Variants in ZBTB5 observed in about 807,000 individuals in gnomAD.
The protein encoded by ZBTB5 is zinc finger and BTB domain-containing protein 5.
A neutral mutation model predicts 37.9 loss-of-function variants in ZBTB5; 15 were observed. The observed-to-expected ratio is 0.40, with a 90% CI of 0.26 to 0.61. ZBTB5 has a LOEUF of 0.61. Ranked by LOEUF, ZBTB5 falls within the 20% of genes least tolerant of loss-of-function variation. The pLI, the probability that ZBTB5 is intolerant of heterozygous loss-of-function variation, is 0.47. For missense variants in ZBTB5, 708 were observed against 856.8 expected, an observed-to-expected ratio of 0.83 and a Z score of 2.17; for synonymous variants, 315 against 312.4, an observed-to-expected ratio of 1.01 and a Z score of -0.09.
intron 1 of ZBTB5, among the ~76,000 whole-genome samples, chr9:37,458,889 T>C (rs1824238141): frequency 1.3e-5 from 2 of 152,242 alleles, no homozygotes; most frequent in South Asian, 2.1e-4. Flanking sequence ...GAAAAGTTCA[T>C]TGACATAATT....
chr9:37,449,416 G>C (rs1165085840), intron 1 of ZBTB5, among the ~76,000 whole-genome samples: 2 of 152,052 alleles, frequency 1.3e-5, no homozygotes, highest in Admixed American at 1.3e-4. Context: ...AGTAAAAAAA[G>C]GCCTGGTGCG....
rs934228334 is a variant in ZBTB5, at chr9:37,439,860, T to G, written c.*658A>C. On this transcript the variant is annotated 3_prime_UTR_variant, in exon 2 of 2. Coordinates refer to ENST00000307750, the MANE Select transcript of ZBTB5 (RefSeq NM_014872.3). Reference sequence around the variant, plus strand: ...TTGGTTTTTAAACCAGAAAAAACTGTTAAAACATCTATCCAACAGTGATGT... The same window carrying G: ...TTGGTTTTTAAACCAGAAAAAACTGGTAAAACATCTATCCAACAGTGATGT... The G allele has an allele frequency of 3.9e-5, 6 of 152,852 alleles. No homozygotes were observed. Among genetic ancestry groups the G allele is most frequent in the African/African-American group, 1.4e-4 (6 of 41,582 alleles). The allele number at this position is 152,852 out of a possible 1,614,324, so 9.5% of individuals were successfully genotyped here.
chr9:37,455,117 G>A (rs749739541), intron 1 of ZBTB5, among the ~76,000 whole-genome samples: 15 of 152,162 alleles, frequency 9.9e-5, no homozygotes, highest in Non-Finnish European at 1.6e-4. Context: ...GCCACACCAT[G>A]CTATCCTGTA....
At chr9:37,450,104 A>G (rs1342515386) in intron 1 of ZBTB5, among the ~76,000 whole-genome samples, 1 of 152,162 alleles carries the variant, frequency 6.6e-6, no homozygotes, top group African/African-American at 2.4e-5. Context: ...AAGCCTGCCT[A>G]TAAAATCTGG....
In ZBTB5 at chr9:37,439,022, A is replaced by AAACTG. The variant is rs1436419875; in HGVS notation, c.*1491_*1495dup. ...CACATACTTAGCTTTCTAAACACAA[A>AAACTG]AACTGAATAATTTATCTGATTTATG... On this transcript the variant is annotated 3_prime_UTR_variant, in exon 2 of 2. Coordinates refer to ENST00000307750, the MANE Select transcript of ZBTB5 (RefSeq NM_014872.3). 2 of 152,266 alleles carry AAACTG rather than the reference A, an allele frequency of 1.3e-5. No homozygotes were observed. The highest frequency in any genetic ancestry group is 4.8e-5 in the African/African-American group (2 of 41,480). 9.4% of individuals were successfully genotyped at this position (152,266 alleles called of 1,614,324 possible).
chr9:37,455,979 T>C (rs1824180994), intron 1 of ZBTB5, among the ~76,000 whole-genome samples: 1 of 151,130 alleles, frequency 6.6e-6, no homozygotes, highest in Admixed American at 6.6e-5. Flanking sequence ...AGGCAGGATC[T>C]CACTCTCTCA....
chr9:37,440,304 C>G lies in ZBTB5; in HGVS notation c.*214G>C, dbSNP rs1344197375. Reference sequence around the variant, plus strand: ...GCATTACTCAACCCCAAGGAAGCACCTGGTTTCAGGGATTGCATCCCTTTC... The same window carrying G: ...GCATTACTCAACCCCAAGGAAGCACGTGGTTTCAGGGATTGCATCCCTTTC... On this transcript the variant is annotated 3_prime_UTR_variant, in exon 2 of 2. Coordinates refer to ENST00000307750, the MANE Select transcript of ZBTB5 (RefSeq NM_014872.3). The G allele has an allele frequency of 3.7e-6, 2 of 547,224 alleles. No homozygotes were observed. The highest frequency in any genetic ancestry group is 6.4e-6 in the Non-Finnish European group (2 of 311,138). 33.9% of individuals were successfully genotyped at this position (547,224 alleles called of 1,614,324 possible).
chr9:37,442,522 G>A lies in ZBTB5; in HGVS notation c.30C>T (p.Ile10=), dbSNP rs1823905532. The change falls in exon 2 of 2, where the codon ATC becomes ATT. Residue 10 remains isoleucine (I), a synonymous_variant. Transcript: ENST00000307750. The stretch of plus-strand genomic sequence containing the variant: ...GTCTCTGGTAGTTCAGCTGCTGGAA[G>A]ATTTGTTCAAAGTGACCAGGAAAAT... MDFPGHFEQ[I]FQQLNYQRLH... is the part of the protein sequence containing the mutation. 6.2e-7 allele frequency: 1 copy of A among 1,606,186 alleles called. No homozygotes were observed. Among genetic ancestry groups the A allele is most frequent in the African/African-American group, 1.3e-5 (1 of 74,892 alleles).
Position 37,440,429 on chromosome 9 carries a change from G to A in ZBTB5, c.*89C>T. On this transcript the variant is annotated 3_prime_UTR_variant, in exon 2 of 2. Transcript: ENST00000307750. ...ACTGTTTAAGAGCCACTGGGCAGCT[G>A]GAAGCCTCGAACCCAAAGGCATTAA... 8.9e-7 allele frequency: 1 copy of A among 1,125,778 alleles called. No individual in the cohort carries two copies. Among genetic ancestry groups the A allele is most frequent in the Non-Finnish European group, 1.3e-6 (1 of 789,006 alleles). The allele number at this position is 1,125,778 out of a possible 1,614,324, so 69.7% of individuals were successfully genotyped here.
intron 1 of ZBTB5, among the ~76,000 whole-genome samples, chr9:37,454,369 C>G (rs1824151959): frequency 6.6e-6 from 1 of 152,112 alleles, no homozygotes; most frequent in Non-Finnish European, 1.5e-5. Flanking sequence ...AGCCTTCTAA[C>G]CAAGGAAAAA....
At chr9:37,455,946 ATTTT>A (rs57792865) in intron 1 of ZBTB5, among the ~76,000 whole-genome samples, 1 of 141,552 alleles carries the variant, frequency 7.1e-6, no homozygotes, top group Non-Finnish European at 1.5e-5. Flanking sequence ...GCAGGCTAGG[ATTTT>A]TTTTTTTTTC....
rs1460534098 is a variant in ZBTB5, at chr9:37,461,571, G to A, written c.-5+3644C>T. Reference sequence around the variant, plus strand: ...GGCGAAACCCTGTCTCTACCAAAAAGTACAAAAATTAGTCGGGCATGGTGG... The same window carrying A: ...GGCGAAACCCTGTCTCTACCAAAAAATACAAAAATTAGTCGGGCATGGTGG... On this transcript the variant is annotated intron_variant, in intron 1 of 1. Coordinates refer to ENST00000307750, the MANE Select transcript of ZBTB5 (RefSeq NM_014872.3). Among the ~76,000 whole-genome samples the A allele has an allele frequency of 4.6e-5, 7 of 151,992 alleles. No homozygotes were observed. The East Asian group carries it at 1.3e-3, about 29-fold the overall frequency.
intron 1 of ZBTB5, among the ~76,000 whole-genome samples, chr9:37,443,489 A>C (rs757685779): frequency 6.6e-6 from 1 of 152,186 alleles, no homozygotes; most frequent in Non-Finnish European, 1.5e-5. Context: ...GAAAATCCTA[A>C]ACTGGGCAGC....
rs1823792725 is a variant in ZBTB5, at chr9:37,438,903, C to T, written c.*1615G>A. The T allele has an allele frequency of 1.3e-5, 2 of 152,202 alleles. No individual in the cohort carries two copies. The highest frequency in any genetic ancestry group is 4.8e-5 in the African/African-American group (2 of 41,432). The allele number at this position is 152,202 out of a possible 1,614,324, so 9.4% of individuals were successfully genotyped here. On this transcript the variant is annotated 3_prime_UTR_variant, in exon 2 of 2. Coordinates refer to ENST00000307750, the MANE Select transcript of ZBTB5 (RefSeq NM_014872.3). The stretch of plus-strand genomic sequence containing the variant: ...CTGGGAATCAGTCCATGGGAGATGC[C>T]AAGCGCCCCTGGAACATGAAATTAT...
intron 1 of ZBTB5, among the ~76,000 whole-genome samples, chr9:37,452,426 G>C (rs751761461): frequency 1.3e-5 from 2 of 152,164 alleles, no homozygotes; most frequent in Non-Finnish European, 2.9e-5. Context: ...AATATTCCAA[G>C]AATTAGTTGG....
intron 1 of ZBTB5, among the ~76,000 whole-genome samples, chr9:37,458,515 A>G (rs1824232402): frequency 6.6e-6 from 1 of 152,236 alleles, no homozygotes; most frequent in Admixed American, 6.5e-5. Context: ...AATGAATGAA[A>G]AAATGAATGA....
intron 1 of ZBTB5, among the ~76,000 whole-genome samples, chr9:37,463,862 A>G (rs1477180330): frequency 6.6e-6 from 1 of 152,192 alleles, no homozygotes; most frequent in East Asian, 1.9e-4. Context: ...CTTCAAAAAA[A>G]GAGTCTGTTT....
intron 1 of ZBTB5, among the ~76,000 whole-genome samples, chr9:37,457,351 C>T (rs950715573): frequency 2.6e-5 from 4 of 152,242 alleles, no homozygotes; most frequent in African/African-American, 9.6e-5. Context: ...TCTCCCACCA[C>T]AGCCTCCCAA....
chr9:37,452,563 T>C (rs1258887285), intron 1 of ZBTB5, among the ~76,000 whole-genome samples: 1 of 152,198 alleles, frequency 6.6e-6, no homozygotes, highest in African/African-American at 2.4e-5. Context: ...AAGAGAAAGA[T>C]TCAAGTGCAA....
Sources: gnomAD v4.1 joint callset for allele counts (sites outside exome capture counted in the v4.1 genomes callset) on GRCh38, gnomAD v4.1.1 for gene constraint, MANE v1.5 for transcripts, NCBI Gene and HGNC (gene_info 2026-07-23, HGNC 2026-07-21) for gene names.